Variants in RSF1 observed in about 807,000 individuals in gnomAD.
The protein encoded by RSF1 is remodeling and spacing factor 1.
A neutral mutation model predicts 145.2 loss-of-function variants in RSF1; 13 were observed. The observed-to-expected ratio is 0.09, with a 90% confidence interval of 0.06 to 0.14. The LOEUF (loss-of-function observed/expected upper bound fraction) is 0.14. Among genes scored for constraint, RSF1 ranks in the 10% least tolerant of loss-of-function variants. The pLI is 1.00. For missense variants in RSF1, 1,517 were observed against 1,718.2 expected, an observed-to-expected ratio of 0.88 and a Z score of 2.07; for synonymous variants, 577 against 592.6, an observed-to-expected ratio of 0.97 and a Z score of 0.38.
intron 1 of RSF1, among the ~76,000 whole-genome samples, chr11:77,786,855 C>T (rs1027526502): frequency 2.0e-5 from 3 of 152,034 alleles, no homozygotes; most frequent in Admixed American, 2.0e-4. Flanking sequence ...AGACATTATA[C>T]GAGTAACAAA....
chr11:77,702,148 G>A lies in RSF1; in HGVS notation c.1081C>T (p.His361Tyr), dbSNP rs758658191. The A allele has an allele frequency of 1.3e-5, 21 of 1,613,722 alleles. No homozygotes were observed. Among genetic ancestry groups the A allele is most frequent in the South Asian group, 2.2e-5 (2 of 91,000 alleles). The change falls in exon 6 of 16, where the codon CAC becomes TAC. Residue 361 changes from histidine to tyrosine, a missense_variant. His to Tyr is a moderately conservative substitution (Grantham distance 83, BLOSUM62 2). Around this residue, in one of 12 missense-constraint regions of RSF1, gnomAD observed 207 missense variants for 191.4 expected, o/e 1.08. Coordinates refer to ENST00000308488, the MANE Select transcript of RSF1 (RefSeq NM_016578.4). Reference sequence around the variant, plus strand: ...TCAGTAGATTTCTCAGTAATTTCGTGAGAAGATTTAATATTGCCACCAAAT... The same window carrying A: ...TCAGTAGATTTCTCAGTAATTTCGTAAGAAGATTTAATATTGCCACCAAAT... ...IEFGGNIKSSHEITEKSTEET... is the reference protein window; with the variant it reads ...IEFGGNIKSSYEITEKSTEET...
chr11:77,723,058 A>G (rs1415872256), intron 5 of RSF1, among the ~76,000 whole-genome samples: 2 of 152,252 alleles, frequency 1.3e-5, no homozygotes, highest in Non-Finnish European at 2.9e-5. Context: ...TATGTGAATG[A>G]ATGACCAAAA....
In RSF1 at chr11:77,698,528, C is replaced by T; in HGVS notation, c.2674G>A (p.Glu892Lys). 1 of 1,614,096 alleles carries T rather than the reference C, an allele frequency of 6.2e-7. No individual in the cohort carries two copies. Among genetic ancestry groups the T allele is most frequent in the East Asian group, 2.2e-5 (1 of 44,872 alleles). The change falls in exon 7 of 16, where the codon GAA becomes AAA. Residue 892 changes from glutamate to lysine, a missense_variant. Glu to Lys is a moderately conservative substitution (Grantham distance 56, BLOSUM62 1). Around this residue, in one of 12 missense-constraint regions of RSF1, gnomAD observed 24 missense variants for 32.1 expected, o/e 0.75. Coordinates refer to ENST00000308488, the MANE Select transcript of RSF1 (RefSeq NM_016578.4). Reference sequence around the variant, plus strand: ...GGAAGGCCACATTTTTTGCATGGTTCATCATCATCTGCTAGGATGGCTTCT... The same window carrying T: ...GGAAGGCCACATTTTTTGCATGGTTTATCATCATCTGCTAGGATGGCTTCT... ...SEEAILADDDEPCKKCGLPNH... is the reference protein window; with the variant it reads ...SEEAILADDDKPCKKCGLPNH...
At chr11:77,824,331 C>T (rs1949072708), upstream of RSF1, among the ~76,000 whole-genome samples, 6 of 152,278 alleles carry the variant, frequency 3.9e-5, no homozygotes, top group South Asian at 1.2e-3. Flanking sequence ...TTGCTACTGC[C>T]ATGAAGAGGC....
chr11:77,824,832 A>G (rs1217599261), upstream of RSF1, among the ~76,000 whole-genome samples: 1 of 152,238 alleles, frequency 6.6e-6, no homozygotes, highest in Non-Finnish European at 1.5e-5. Flanking sequence ...ACTAAATGCA[A>G]TGCAATTATG....
At chr11:77,806,162 A>C (rs1948675065) in intron 1 of RSF1, among the ~76,000 whole-genome samples, 2 of 152,264 alleles carry the variant, frequency 1.3e-5, no homozygotes, top group South Asian at 4.1e-4. Context: ...AGAAATGAGA[A>C]TTTCAGGTCA....
chr11:77,824,483 A>T (rs368245063), upstream of RSF1, among the ~76,000 whole-genome samples: 141 of 152,322 alleles, frequency 9.3e-4, no homozygotes, highest in South Asian at 9.5e-3. Flanking sequence ...AAAATACCAA[A>T]AAGTCAAAAA....
chr11:77,800,212 T>C (rs1358621230), intron 1 of RSF1, among the ~76,000 whole-genome samples: 2 of 151,896 alleles, frequency 1.3e-5, no homozygotes, highest in African/African-American at 4.8e-5. Context: ...TTGGCTGTGG[T>C]AGGGCGTAGT....
At chr11:77,736,546 A>G (rs574791612) in intron 4 of RSF1, among the ~76,000 whole-genome samples, 1 of 152,358 alleles carries the variant, frequency 6.6e-6, no homozygotes, top group South Asian at 2.1e-4. Flanking sequence ...AGGAGGCAAA[A>G]ATTATTACAA....
rs557487764 is a variant in RSF1 at position 77,804,304 on chromosome 11, C to A, written c.187+16224G>T. Among the ~76,000 whole-genome samples the A allele has an allele frequency of 2.0e-5, 3 of 152,172 alleles. No individual in the cohort carries two copies. The East Asian group carries it at 5.8e-4, about 29-fold the overall frequency. ...CTTTCTTGAGTTCTGTGAGTCATTC[C>A]GGTGAATTACAGAACCTGAGGTGGG... is the stretch of plus-strand genomic sequence containing the variant. On this transcript the variant is annotated intron_variant, in intron 1 of 15. Coordinates refer to ENST00000308488, the MANE Select transcript of RSF1 (RefSeq NM_016578.4).
chr11:77,862,096 CCTT>C, the RSF1 span, among the ~76,000 whole-genome samples: 1 of 152,110 alleles, frequency 6.6e-6, no homozygotes, highest in Admixed American at 6.5e-5. Flanking sequence ...TTTCCTTAGT[CCTT>C]CTAGCACGCA....
chr11:77,730,328 T>C (rs929392155), intron 4 of RSF1, among the ~76,000 whole-genome samples: 1 of 152,178 alleles, frequency 6.6e-6, no homozygotes, highest in African/African-American at 2.4e-5. Context: ...CTATTTCAAA[T>C]TCAACTTTCT....
chr11:77,726,848 A>G (rs111546049), intron 4 of RSF1, among the ~76,000 whole-genome samples: 6 of 152,308 alleles, frequency 3.9e-5, no homozygotes, highest in African/African-American at 1.2e-4. Flanking sequence ...GCTTTAGAGT[A>G]GGAACTCTGC....
intron 11 of RSF1, 132 bp from the exon 12 acceptor site, chr11:77,678,285 C>T (rs1959766893): frequency 4.6e-6 from 2 of 432,748 alleles, no homozygotes; most frequent in East Asian, 4.0e-5. Context: ...GGCGCCATCT[C>T]GGCTCACTGC....
intron 4 of RSF1, among the ~76,000 whole-genome samples, chr11:77,737,621 G>GGTGTGTGTGTGTGTGTGTGTGTGT: frequency 1.1e-5 from 1 of 93,494 alleles, no homozygotes; most frequent in Non-Finnish European, 2.3e-5. Flanking sequence ...TGTTTTGGGG[G>GGTGTGTGTGTGTGTGTGTGTGTGT]GTGTGTGTGT....
intron 9 of RSF1, among the ~76,000 whole-genome samples, chr11:77,690,161 C>CAAAAAAAAAAAAAAAAAAA (rs112481534): frequency 1.1e-5 from 1 of 88,520 alleles, no homozygotes; most frequent in Non-Finnish European, 2.6e-5. Context: ...GACTCCATCT[C>CAAAAAAAAAAAAAAAAAAA]AAAAAAAAAA....
intron 9 of RSF1, among the ~76,000 whole-genome samples, chr11:77,685,488 G>C (rs1043271391): frequency 3.3e-5 from 5 of 152,130 alleles, no homozygotes; most frequent in Admixed American, 2.0e-4. Context: ...TAGAGATGGG[G>C]TTTTGCCATG....
chr11:77,822,414 CAAAAAA>C (rs66463325), upstream of RSF1, among the ~76,000 whole-genome samples: 11 of 74,784 alleles, frequency 1.5e-4, no homozygotes, highest in African/African-American at 4.5e-4. Context: ...GACTCCACCT[CAAAAAA>C]AAAAAAAAAA....
intron 5 of RSF1, among the ~76,000 whole-genome samples, chr11:77,708,757 C>A (rs555170183): frequency 7.2e-5 from 11 of 152,200 alleles, no homozygotes; most frequent in South Asian, 4.1e-4. Context: ...CTCTCTCCCC[C>A]CTTTCAGAGC....
Sources: allele counts gnomAD v4.1 joint callset (sites outside exome capture counted in the v4.1 genomes callset), GRCh38; gene constraint gnomAD v4.1.1; regional missense constraint gnomAD v4.1.1; transcripts MANE v1.5; gene names NCBI Gene and HGNC (gene_info 2026-07-23, HGNC 2026-07-21).